ATP11B: variants seen among roughly 807,000 people sequenced by gnomAD.
The protein encoded by ATP11B is ATPase phospholipid transporting 11B (putative), also known as phospholipid-transporting ATPase IF.
ATP11B carries 81 observed loss-of-function variants against 157.8 expected under a neutral mutation model. The observed-to-expected ratio is 0.51, with a 90% CI of 0.43 to 0.62. ATP11B has a LOEUF of 0.62. Among genes scored for constraint, ATP11B ranks in the 20% least tolerant of loss-of-function variants. ATP11B has a pLI of 0.00. For synonymous variants in ATP11B, 451 were observed against 469.4 expected, an observed-to-expected ratio of 0.96 and a Z score of 0.51; for missense variants, 1,165 against 1,402.2, an observed-to-expected ratio of 0.83 and a Z score of 2.70.
chr3:182,896,698 A>C lies in ATP11B; in HGVS notation c.2983-2A>C. On this transcript the variant is annotated splice_acceptor_variant, in intron 25 of 29. Coordinates refer to ENST00000323116, the MANE Select transcript of ATP11B (RefSeq NM_014616.3). LOFTEE classifies it high-confidence loss of function. ...ATGTAATAGTGTATTCTTTCTGTTT[A>C]GATGTTTGGAAACTGGACATTTGGC... 1 of 1,609,634 alleles carries C rather than the reference A, an allele frequency of 6.2e-7. No homozygotes were observed. The highest frequency in any genetic ancestry group is 8.5e-7 in the Non-Finnish European group (1 of 1,176,164).
At chr3:182,889,574 A>G in intron 25 of ATP11B, 26 bp downstream of exon 25, 1 of 1,501,056 alleles carries the variant, frequency 6.7e-7, no homozygotes, top group Non-Finnish European at 8.9e-7. Flanking sequence ...TTTTTAAAGA[A>G]TGCTTGTTAA....
chr3:182,811,315 A>G (rs1431151148), intron 1 of ATP11B, among the ~76,000 whole-genome samples: 1 of 152,216 alleles, frequency 6.6e-6, no homozygotes, highest in African/African-American at 2.4e-5. Flanking sequence ...GTTTATGTTC[A>G]AATAGAAGGT....
At chr3:182,838,759 C>T (rs1012358414) in intron 7 of ATP11B, among the ~76,000 whole-genome samples, 1 of 148,794 alleles carries the variant, frequency 6.7e-6, no homozygotes, top group African/African-American at 2.5e-5. Flanking sequence ...TTATTATGTG[C>T]TTGTAACACA....
intron 25 of ATP11B, among the ~76,000 whole-genome samples, chr3:182,894,738 A>G (rs1168832103): frequency 6.6e-6 from 1 of 152,156 alleles, no homozygotes; most frequent in South Asian, 2.1e-4. Context: ...ACCGTGTAAC[A>G]TACCCCAGTC....
At position 182,857,901 on chromosome 3, in the gene ATP11B, T is replaced by A. The variant is rs1445414568; in HGVS notation, c.875T>A (p.Ile292Asn). The A allele has an allele frequency of 6.5e-7, 1 of 1,541,390 alleles. No individual in the cohort carries two copies. The highest frequency in any genetic ancestry group is 9.0e-7 in the Non-Finnish European group (1 of 1,116,642). Residue 292 changes from isoleucine to asparagine, a missense_variant, in exon 11 of 30, where the codon ATT becomes AAT. Physicochemically the swap from Ile to Asn is moderately radical, Grantham distance 149. Transcript: ENST00000323116. ...AGGTCAATGAATACATTTTTGATAA[T>A]TTATCTAGTAATTCTTATATCTGAA... ...VEKSMNTFLI[I>N]YLVILISEAV...
chr3:182,823,070 T>TA (rs1396968491), intron 2 of ATP11B, among the ~76,000 whole-genome samples: 1 of 152,230 alleles, frequency 6.6e-6, no homozygotes, highest in Non-Finnish European at 1.5e-5. Flanking sequence ...AGGTTGCCTG[T>TA]TCACTCTGAT....
At chr3:182,899,886 G>A (rs1345802533) in intron 28 of ATP11B, among the ~76,000 whole-genome samples, 2 of 46,760 alleles carry the variant, frequency 4.3e-5, no homozygotes, top group Non-Finnish European at 6.6e-5. Context: ...TAACTCTATC[G>A]TATTGGATAA....
intron 25 of ATP11B, 31 bp from the exon 26 acceptor site, chr3:182,896,669 C>T (rs1374534629): frequency 2.1e-5 from 32 of 1,550,444 alleles, no homozygotes; most frequent in Non-Finnish European, 2.4e-5. Flanking sequence ...TATGTTAACA[C>T]GTAATGTAAT....
chr3:182,848,413 A>G (rs1719707512), intron 9 of ATP11B, 63 bp from the exon 10 acceptor site: 1 of 979,146 alleles, frequency 1.0e-6, no homozygotes, highest in African/African-American at 1.7e-5. Flanking sequence ...TGGTAAATAT[A>G]TTTATTTCTT....
In ATP11B at chr3:182,885,034, T is replaced by G. The variant is rs985426914; in HGVS notation, c.2655+136T>G. 11 of 579,064 alleles carry G rather than the reference T, an allele frequency of 1.9e-5. No individual in the cohort carries two copies. The Admixed American group carries it at 3.7e-4, about 19-fold the overall frequency. The allele number at this position is 579,064 out of a possible 1,614,324, so 35.9% of individuals were successfully genotyped here. ...ATAACAGTATTTTGTCATAAATCTA[T>G]TCTATACTGACAGAAAGCAAATCAG... On this transcript the variant is annotated intron_variant, in intron 22 of 29. Transcript: ENST00000323116.
At chr3:182,805,725 T>G (rs1716288473) in intron 1 of ATP11B, among the ~76,000 whole-genome samples, 1 of 151,962 alleles carries the variant, frequency 6.6e-6, no homozygotes, top group African/African-American at 2.4e-5. Flanking sequence ...CTTCCCAAAG[T>G]GCTGGGATTA....
intron 10 of ATP11B, among the ~76,000 whole-genome samples, chr3:182,852,656 T>C (rs1468811590): frequency 6.6e-6 from 1 of 152,216 alleles, no homozygotes; most frequent in Non-Finnish European, 1.5e-5. Context: ...TGGACGTCTG[T>C]ATGTCAAAAA....
At chr3:182,793,976 C>G (rs1282655006) in intron 1 of ATP11B, among the ~76,000 whole-genome samples, 190 bp downstream of exon 1, 2 of 151,958 alleles carry the variant, frequency 1.3e-5, no homozygotes, top group Non-Finnish European at 2.9e-5. Context: ...CGTCTCGCCT[C>G]CAAGCCCGGG....
At chr3:182,841,615 T>G (rs115708388) in intron 7 of ATP11B, among the ~76,000 whole-genome samples, 1,576 of 152,280 alleles carry the variant, frequency 0.01, 27 homozygotes, top group African/African-American at 0.035. Context: ...GATAAGTGTT[T>G]TTAAAATGAT....
At chr3:182,908,069 T>G (rs1372073339) in intron 28 of ATP11B, among the ~76,000 whole-genome samples, 1 of 152,190 alleles carries the variant, frequency 6.6e-6, no homozygotes, top group Non-Finnish European at 1.5e-5. Flanking sequence ...CCTAGTCATA[T>G]GTTGTTATTT....
At chr3:182,868,965 AT>A (rs538795393) in intron 15 of ATP11B, 112 bp from the exon 16 acceptor site, 178 of 632,094 alleles carry the variant, frequency 2.8e-4, no homozygotes, top group Non-Finnish European at 4.5e-4. Flanking sequence ...AATGGTATTA[AT>A]TCTTGTTCTC....
intron 1 of ATP11B, among the ~76,000 whole-genome samples, chr3:182,811,503 A>G (rs980568289): frequency 6.6e-6 from 1 of 152,142 alleles, no homozygotes; most frequent in Non-Finnish European, 1.5e-5. Flanking sequence ...ATCAATACCA[A>G]CCTTATTTCT....
At chr3:182,824,258 A>T (rs1717572575) in intron 2 of ATP11B, among the ~76,000 whole-genome samples, 1 of 152,092 alleles carries the variant, frequency 6.6e-6, no homozygotes, top group Non-Finnish European at 1.5e-5. Context: ...TGGTTCTCTG[A>T]CAATCAGTAT....
At chr3:182,815,188 T>C (rs1316648035) in intron 1 of ATP11B, among the ~76,000 whole-genome samples, 2 of 152,226 alleles carry the variant, frequency 1.3e-5, no homozygotes, top group African/African-American at 4.8e-5. Context: ...ACCGGACTGG[T>C]CTGATAGATG....
Sources: gnomAD v4.1 joint callset for allele counts (sites outside exome capture counted in the v4.1 genomes callset) on GRCh38, gnomAD v4.1.1 for gene constraint, MANE v1.5 for transcripts, NCBI Gene and HGNC (gene_info 2026-07-23, HGNC 2026-07-21) for gene names.